Variants in GABRG3 observed in about 807,000 individuals in gnomAD.
GABRG3 encodes the protein gamma-aminobutyric acid type A receptor subunit gamma3.
Under a neutral mutation model 48.8 loss-of-function variants are expected in GABRG3, and 25 were observed. That is an observed-to-expected ratio of 0.51 (90% CI 0.37 to 0.72). GABRG3 has a LOEUF of 0.72. Among genes scored for constraint, GABRG3 ranks in the 30% least tolerant of loss-of-function variants. The pLI, the probability that GABRG3 is intolerant of heterozygous loss-of-function variation, is 0.00. For synonymous variants in GABRG3, 227 were observed against 217.6 expected, an observed-to-expected ratio of 1.04 and a Z score of -0.38; for missense variants, 394 against 577.9, an observed-to-expected ratio of 0.68 and a Z score of 3.26.
At chr15:27,412,559 C>T (rs1887828687) in intron 5 of GABRG3, among the ~76,000 whole-genome samples, 2 of 152,160 alleles carry the variant, frequency 1.3e-5, no homozygotes, top group South Asian at 2.1e-4. Context: ...ATTCGCAGAA[C>T]ATAAATCAGT....
intron 5 of GABRG3, among the ~76,000 whole-genome samples, chr15:27,378,617 A>G (rs1298242371): frequency 1.3e-5 from 2 of 152,188 alleles, no homozygotes; most frequent in Non-Finnish European, 1.5e-5. Flanking sequence ...TAAAGGCTCA[A>G]GTCTGGTTAT....
At chr15:27,166,070 A>G (rs1887361440) in intron 3 of GABRG3, among the ~76,000 whole-genome samples, 1 of 152,166 alleles carries the variant, frequency 6.6e-6, no homozygotes, top group Admixed American at 6.5e-5. Flanking sequence ...TTACGTCTTT[A>G]GGCAATGCGA....
intron 5 of GABRG3, among the ~76,000 whole-genome samples, chr15:27,347,039 G>T (rs952509275): frequency 1.3e-5 from 2 of 151,108 alleles, no homozygotes; most frequent in East Asian, 1.9e-4. Flanking sequence ...TAGACACACC[G>T]TGAGGTAAAT....
Position 27,436,990 on chromosome 15 carries a change from A to G in GABRG3, c.575-43660A>G, listed in dbSNP as rs1888632489. On this transcript the variant is annotated intron_variant, in intron 5 of 9. Transcript: ENST00000615808. ...CAGCCTGGGTGAGACTCCTTCTCCGAAAAATAGAGAGAGAGAGAGAGAGAG... is the reference window on the plus strand; with the variant it reads ...CAGCCTGGGTGAGACTCCTTCTCCGGAAAATAGAGAGAGAGAGAGAGAGAG... 2.3e-5 allele frequency among the ~76,000 whole-genome samples: 3 copies of G among 131,182 alleles called. No homozygotes were observed. The Admixed American group carries it at 2.3e-4, about 10-fold the overall frequency. 86.1% of individuals were successfully genotyped at this position (131,182 alleles called of 152,430 possible).
At chr15:27,272,485 T>G (rs1169686067) in intron 3 of GABRG3, among the ~76,000 whole-genome samples, 1 of 152,240 alleles carries the variant, frequency 6.6e-6, no homozygotes, top group African/African-American at 2.4e-5. Context: ...CAGTGGTATT[T>G]TCAAAGACCT....
intron 5 of GABRG3, among the ~76,000 whole-genome samples, chr15:27,336,793 A>T (rs67131622): frequency 0.046 from 7,033 of 152,278 alleles, 246 homozygotes; most frequent in South Asian, 0.11. Context: ...TGGTTAAGCA[A>T]ACTGTTGGTA....
intron 5 of GABRG3, among the ~76,000 whole-genome samples, chr15:27,429,568 A>G (rs1438414127): frequency 1.3e-5 from 2 of 152,192 alleles, no homozygotes; most frequent in African/African-American, 4.8e-5. Flanking sequence ...CCCAGTATAC[A>G]TATTAACTTC....
intron 5 of GABRG3, among the ~76,000 whole-genome samples, chr15:27,350,624 T>A (rs1310015972): frequency 2.0e-5 from 3 of 150,982 alleles, no homozygotes; most frequent in South Asian, 4.2e-4. Flanking sequence ...CTGGAGGGAG[T>A]CCAGCGCATC....
intron 3 of GABRG3, among the ~76,000 whole-genome samples, chr15:27,318,853 T>G (rs183418113): frequency 6.6e-6 from 1 of 152,096 alleles, no homozygotes; most frequent in Non-Finnish European, 1.5e-5. Flanking sequence ...TGGAAACCAT[T>G]TGGACCAGAG....
chr15:27,242,933 T>C (rs186859790), intron 3 of GABRG3, among the ~76,000 whole-genome samples: 220 of 152,332 alleles, frequency 1.4e-3, no homozygotes, highest in African/African-American at 5.2e-3. Context: ...GAATTGAAGC[T>C]CTTAGGACAT....
intron 3 of GABRG3, among the ~76,000 whole-genome samples, chr15:27,204,727 T>C (rs1012176120): frequency 6.6e-6 from 1 of 152,174 alleles, no homozygotes; most frequent in African/African-American, 2.4e-5. Context: ...ACCAGTGTTT[T>C]ATAATTCTCA....
chr15:27,245,414 G>A (rs1337750416), intron 3 of GABRG3, among the ~76,000 whole-genome samples: 1 of 152,156 alleles, frequency 6.6e-6, no homozygotes, highest in Non-Finnish European at 1.5e-5. Flanking sequence ...AATGGTATGA[G>A]TTATATGAGA....
At chr15:27,054,082 A>AC (rs1240813042) in intron 3 of GABRG3, among the ~76,000 whole-genome samples, 1 of 151,818 alleles carries the variant, frequency 6.6e-6, no homozygotes, top group Non-Finnish European at 1.5e-5. Context: ...ACCTGGTGAA[A>AC]CCCCATCTCT....
At chr15:27,317,122 C>T (rs1322244291) in intron 3 of GABRG3, among the ~76,000 whole-genome samples, 1 of 152,188 alleles carries the variant, frequency 6.6e-6, no homozygotes, top group Non-Finnish European at 1.5e-5. Context: ...TTTTCCTGGC[C>T]TCTCCTTGTG....
At chr15:27,494,390 A>G (rs898698862) in intron 6 of GABRG3, among the ~76,000 whole-genome samples, 5 of 152,128 alleles carry the variant, frequency 3.3e-5, no homozygotes, top group Admixed American at 2.0e-4. Context: ...CTCCTCTCAT[A>G]CGTCCTGGAA....
Position 26,977,736 on chromosome 15 carries a change from T to C in GABRG3, c.202+586T>C, listed in dbSNP as rs181656446. On this transcript the variant is annotated intron_variant, in intron 2 of 9. Transcript: ENST00000615808. The stretch of plus-strand genomic sequence containing the variant: ...TAGCCATTCATCTGTTGGGGAACAT[T>C]TTGATTGTTTCCTGTTTTTGTCTAT... 9.2e-5 allele frequency among the ~76,000 whole-genome samples: 14 copies of C among 152,296 alleles called. No individual in the cohort carries two copies. The East Asian group carries it at 2.7e-3, about 29-fold the overall frequency.
chr15:27,280,375 G>T (rs148886745), intron 3 of GABRG3: 2 of 152,250 alleles, frequency 1.3e-5, no homozygotes, highest in African/African-American at 4.8e-5. Context: ...ACCAGACCAG[G>T]CCCTGCTTAG....
At chr15:27,061,301 C>T (rs1423511814) in intron 3 of GABRG3, among the ~76,000 whole-genome samples, 1 of 152,156 alleles carries the variant, frequency 6.6e-6, no homozygotes, top group Non-Finnish European at 1.5e-5. Context: ...GAGGATGCCC[C>T]AGTGGCTAAC....
Position 27,179,978 on chromosome 15 carries a change from C to T in GABRG3, c.271-146831C>T, listed in dbSNP as rs187570352. The stretch of plus-strand genomic sequence containing the variant: ...GTGGCTCTGAAGAGCTGCAGCACTT[C>T]TCTCTGGCGGTACATTTTGCACACT... On this transcript the variant is annotated intron_variant, in intron 3 of 9. Transcript: ENST00000615808. This position sits in a 1 kb window ranked among gnomAD's most constrained non-coding sequence, Gnocchi z 4.0. Among the ~76,000 whole-genome samples, 10 of 152,284 alleles carry T rather than the reference C, an allele frequency of 6.6e-5. No homozygotes were observed. In the East Asian group the frequency reaches 1.9e-3, roughly 29 times the overall value.
Sources: allele counts gnomAD v4.1 joint callset (sites outside exome capture counted in the v4.1 genomes callset), GRCh38; gene constraint gnomAD v4.1.1; non-coding constraint Gnocchi (gnomAD v3.1); transcripts MANE v1.5; gene names NCBI Gene and HGNC (gene_info 2026-07-23, HGNC 2026-07-21).